Variants in PKHD1 observed in about 807,000 individuals in gnomAD.
PKHD1 encodes fibrocystin.
A neutral mutation model predicts 412.0 loss-of-function variants in PKHD1; 291 were observed. That is an observed-to-expected ratio of 0.71 (90% CI 0.64 to 0.78). The LOEUF (loss-of-function observed/expected upper bound fraction) is 0.78. PKHD1 is among the 30% of genes least tolerant of loss of function. The probability of loss-of-function intolerance (pLI) is 0.00; values close to 1 mark genes in which losing one functional copy is unlikely to be tolerated. For missense variants in PKHD1, 4,825 were observed against 4,950.7 expected, an observed-to-expected ratio of 0.97 and a Z score of 0.76; for synonymous variants, 1,777 against 1,821.5, an observed-to-expected ratio of 0.98 and a Z score of 0.62.
chr6:51,748,678 G>T lies in PKHD1; in HGVS notation c.8951-13C>A. The T allele has an allele frequency of 6.2e-7, 1 of 1,612,446 alleles. No homozygotes were observed. The highest frequency in any genetic ancestry group is 8.5e-7 in the Non-Finnish European group (1 of 1,178,778). ...AGTTGAAGGACACCTATAAACAAAT[G>T]CATGTCATCAGGTACTTTCCTCTTC... On this transcript the variant is annotated splice_polypyrimidine_tract_variant and intron_variant, in intron 57 of 66. Coordinates refer to ENST00000371117, the MANE Select transcript of PKHD1 (RefSeq NM_138694.4).
intron 52 of PKHD1, among the ~76,000 whole-genome samples, chr6:51,812,245 T>C (rs1764812040): frequency 6.6e-6 from 1 of 152,202 alleles, no homozygotes; most frequent in Non-Finnish European, 1.5e-5. Flanking sequence ...GTTCAAAATA[T>C]AGATCACTAG....
intron 60 of PKHD1, among the ~76,000 whole-genome samples, chr6:51,733,394 G>T (rs373467437): frequency 6.6e-6 from 1 of 151,928 alleles, no homozygotes; most frequent in Admixed American, 6.6e-5. Flanking sequence ...CAAAAAATTA[G>T]CCGGGCGTGG....
At chr6:51,956,681 G>T (rs199598149) in intron 36 of PKHD1, among the ~76,000 whole-genome samples, 1 of 152,026 alleles carries the variant, frequency 6.6e-6, no homozygotes, top group African/African-American at 2.4e-5. Flanking sequence ...GTCCTGGGGG[G>T]TGGCTGTAAT....
chr6:51,751,929 T>C lies in PKHD1; in HGVS notation c.8950+1272A>G, dbSNP rs78400344. On this transcript the variant is annotated intron_variant, in intron 57 of 66. Transcript: ENST00000371117. ...AAGAAACACAAAATAGAGTTTCTGT[T>C]TCCCTTCCCCAGGGGATGATTTAAG... Among the ~76,000 whole-genome samples the C allele has an allele frequency of 5.4e-3, 816 of 152,310 alleles. 21 individuals carry two copies. The South Asian group carries it at 0.073, about 14-fold the overall frequency.
At chr6:51,829,290 C>T (rs1201139595) in intron 52 of PKHD1, among the ~76,000 whole-genome samples, 2 of 128,508 alleles carry the variant, frequency 1.6e-5, no homozygotes, top group Non-Finnish European at 3.3e-5. Context: ...CCAGGGATCC[C>T]GGGACCCAGG....
chr6:51,698,857 C>T (rs920121604), intron 60 of PKHD1, among the ~76,000 whole-genome samples: 26 of 152,194 alleles, frequency 1.7e-4, no homozygotes, highest in African/African-American at 5.8e-4. Context: ...CGCAACTCTG[C>T]GTTTTGAATA....
chr6:51,794,790 C>G (rs1296800713), intron 52 of PKHD1, among the ~76,000 whole-genome samples: 1 of 152,112 alleles, frequency 6.6e-6, no homozygotes, highest in Non-Finnish European at 1.5e-5. Context: ...TCTTCCCCCA[C>G]TGCTTGTTTT....
At chr6:52,041,955 G>C (rs1804953337) in intron 27 of PKHD1, among the ~76,000 whole-genome samples, 1 of 152,194 alleles carries the variant, frequency 6.6e-6, no homozygotes, top group Non-Finnish European at 1.5e-5. Flanking sequence ...TGTGTGGCCT[G>C]AACAGCAAAG....
intron 63 of PKHD1, 62 bp from the exon 64 acceptor site, chr6:51,639,018 T>G (rs1391841486): frequency 2.5e-6 from 3 of 1,201,102 alleles, no homozygotes; most frequent in Admixed American, 1.7e-5. Context: ...AATGTCTTCA[T>G]GTCTTCTGCG....
chr6:51,717,844 T>C (rs1210078849), intron 60 of PKHD1, among the ~76,000 whole-genome samples: 1 of 152,118 alleles, frequency 6.6e-6, no homozygotes, highest in African/African-American at 2.4e-5. Flanking sequence ...GAGAAGAAGG[T>C]AGCCTGAGTT....
chr6:51,683,308 T>C, intron 60 of PKHD1, among the ~76,000 whole-genome samples: 1 of 151,964 alleles, frequency 6.6e-6, no homozygotes, highest in East Asian at 1.9e-4. Context: ...CATAACTAGA[T>C]TACAGAGATA....
intron 60 of PKHD1, among the ~76,000 whole-genome samples, chr6:51,693,545 C>CA (rs1375865640): frequency 6.6e-6 from 1 of 152,144 alleles, no homozygotes; most frequent in Non-Finnish European, 1.5e-5. Flanking sequence ...TTATCTCTAT[C>CA]AAGATGTAGA....
At chr6:52,046,338 C>T in intron 23 of PKHD1, 150 bp from the exon 24 acceptor site, 1 of 742,246 alleles carries the variant, frequency 1.3e-6, no homozygotes, top group South Asian at 1.5e-5. Context: ...GTAGAATCCC[C>T]AGCCATAATT....
At chr6:51,918,387 C>T (rs1204079074) in intron 37 of PKHD1, among the ~76,000 whole-genome samples, 1 of 151,960 alleles carries the variant, frequency 6.6e-6, no homozygotes, top group Non-Finnish European at 1.5e-5. Flanking sequence ...TGTGATGTTG[C>T]CCTCCCTGTG....
Position 51,867,947 on chromosome 6 carries a change from C to G in PKHD1, c.7649G>C (p.Cys2550Ser). ...CCGACCAAAGCTTGAATTGACCAAA[C>G]AAGAAGCTGAAAGGGTTTCCATAGA... ...LASMETLSASCLVNSSFGRVV... is the reference protein window; with the variant it reads ...LASMETLSASSLVNSSFGRVV... Residue 2550 changes from cysteine to serine, a missense_variant, in exon 48 of 67, where the codon TGT (cysteine) becomes TCT (serine). By Grantham distance (112) the Cys-to-Ser change is moderately radical. Coordinates refer to ENST00000371117, the MANE Select transcript of PKHD1 (RefSeq NM_138694.4). 1 of 1,613,408 alleles carries G rather than the reference C, an allele frequency of 6.2e-7. No individual in the cohort carries two copies. Among genetic ancestry groups the G allele is most frequent in the Non-Finnish European group, 8.5e-7 (1 of 1,179,440 alleles).
chr6:51,991,886 A>G (rs1797081439), intron 35 of PKHD1, among the ~76,000 whole-genome samples: 1 of 152,228 alleles, frequency 6.6e-6, no homozygotes, highest in Non-Finnish European at 1.5e-5. Context: ...TTTTTAAATT[A>G]TTTCATCATA....
intron 60 of PKHD1, among the ~76,000 whole-genome samples, chr6:51,679,370 C>G (rs1248466634): frequency 6.6e-6 from 1 of 151,534 alleles, no homozygotes; most frequent in Non-Finnish European, 1.5e-5. Flanking sequence ...GTTACCTAAA[C>G]AAAAGTAGTT....
intron 32 of PKHD1, 147 bp from the exon 33 acceptor site, chr6:52,023,091 C>T: frequency 1.2e-6 from 1 of 831,990 alleles, no homozygotes; most frequent in Non-Finnish European, 2.0e-6. Context: ...TGGCTGCTGG[C>T]CTCAGTTTCC....
chr6:51,989,066 C>A (rs919686455), intron 35 of PKHD1, among the ~76,000 whole-genome samples: 4 of 152,208 alleles, frequency 2.6e-5, no homozygotes, highest in Middle Eastern at 3.2e-3. Context: ...GAAGCGATAT[C>A]TTTATATCCA....
Sources: gnomAD v4.1 joint callset for allele counts (sites outside exome capture counted in the v4.1 genomes callset) on GRCh38, gnomAD v4.1.1 for gene constraint, MANE v1.5 for transcripts, NCBI Gene and HGNC (gene_info 2026-07-23, HGNC 2026-07-21) for gene names.